The following MAGI2 variants were observed in gnomAD, a reference collection of about 807,000 sequenced individuals.
MAGI2 encodes membrane associated guanylate kinase, WW and PDZ domain containing 2.
Under a neutral mutation model 133.3 loss-of-function variants are expected in MAGI2, and 35 were observed. The observed-to-expected ratio is 0.26, with a 90% CI of 0.20 to 0.35. The LOEUF is 0.35. Ranked by LOEUF, MAGI2 falls within the 10% of genes least tolerant of loss-of-function variation. The probability of loss-of-function intolerance (pLI) is 1.00; values close to 1 mark genes in which losing one functional copy is unlikely to be tolerated. For synonymous variants in MAGI2, 729 were observed against 710.6 expected (o/e 1.03, Z -0.41); for missense variants, 1,636 against 1,863.4 (o/e 0.88, Z 2.25).
At chr7:78,878,849 A>G (rs1262227104) in intron 2 of MAGI2, among the ~76,000 whole-genome samples, 1 of 152,134 alleles carries the variant, frequency 6.6e-6, no homozygotes, top group Non-Finnish European at 1.5e-5. Context: ...GGAATCACCT[A>G]TAGTTCCTTT....
chr7:78,090,717 A>G (rs1817110251), intron 20 of MAGI2, among the ~76,000 whole-genome samples: 1 of 152,240 alleles, frequency 6.6e-6, no homozygotes, highest in South Asian at 2.1e-4. Flanking sequence ...TATTGAGGTA[A>G]AAACAACACA....
At chr7:78,922,441 T>C (rs1382090979) in intron 2 of MAGI2, among the ~76,000 whole-genome samples, 3 of 146,440 alleles carry the variant, frequency 2.0e-5, no homozygotes, top group African/African-American at 7.5e-5. Context: ...GAACATGCGG[T>C]GTTTGGTTTT....
chr7:79,437,794 G>T (rs527836522), intron 1 of MAGI2, among the ~76,000 whole-genome samples: 28 of 152,116 alleles, frequency 1.8e-4, no homozygotes, highest in South Asian at 1.5e-3. Flanking sequence ...TACTATTATT[G>T]TTTGTATCTG....
intron 1 of MAGI2, among the ~76,000 whole-genome samples, chr7:79,376,039 T>G (rs1843356360): frequency 6.6e-6 from 1 of 151,860 alleles, no homozygotes; most frequent in African/African-American, 2.4e-5. Flanking sequence ...CCTTTTTTCA[T>G]TTTTGGTCCA....
chr7:78,899,947 G>T (rs1048750264), intron 2 of MAGI2, among the ~76,000 whole-genome samples: 2 of 152,084 alleles, frequency 1.3e-5, no homozygotes, highest in African/African-American at 4.8e-5. Flanking sequence ...CTTCAATGAG[G>T]GTGGAGCCAC....
intron 20 of MAGI2, among the ~76,000 whole-genome samples, chr7:78,083,040 T>C (rs1442610450): frequency 1.3e-5 from 2 of 152,050 alleles, no homozygotes; most frequent in Non-Finnish European, 2.9e-5. Context: ...GGGGTTCTCT[T>C]GTTACTTTCC....
chr7:79,339,161 CTATT>C (rs918166361), intron 1 of MAGI2, among the ~76,000 whole-genome samples: 51 of 152,042 alleles, frequency 3.4e-4, no homozygotes, highest in Non-Finnish European at 3.5e-4. Context: ...CCTCATTACT[CTATT>C]TAAAGGGCTA....
chr7:78,670,558 T>C (rs1185721324), intron 2 of MAGI2, among the ~76,000 whole-genome samples: 1 of 152,132 alleles, frequency 6.6e-6, no homozygotes, highest in African/African-American at 2.4e-5. Context: ...CTTCACAGAA[T>C]TGGAAAACAT....
chr7:78,681,206 CCT>C (rs373252309), intron 2 of MAGI2, among the ~76,000 whole-genome samples: 36 of 152,090 alleles, frequency 2.4e-4, no homozygotes, highest in African/African-American at 8.0e-4. Context: ...TGAAACTGCC[CCT>C]GTTTGAGACC....
chr7:79,345,136 T>G (rs1841214017), intron 1 of MAGI2, among the ~76,000 whole-genome samples: 2 of 151,836 alleles, frequency 1.3e-5, no homozygotes, highest in Non-Finnish European at 2.9e-5. Context: ...GGAAACAGGA[T>G]CACTGCAGAT....
chr7:78,115,648 T>C (rs1819794397), intron 20 of MAGI2, among the ~76,000 whole-genome samples: 1 of 152,006 alleles, frequency 6.6e-6, no homozygotes, highest in Admixed American at 6.6e-5. Context: ...AGAAATAACC[T>C]GAGTACCAAA....
chr7:79,299,132 T>C (rs1043929078), intron 1 of MAGI2, among the ~76,000 whole-genome samples: 17 of 152,112 alleles, frequency 1.1e-4, no homozygotes, highest in Admixed American at 4.6e-4. Context: ...GGTTTTATAA[T>C]AGATGCATGC....
At chr7:79,422,505 T>C (rs376564753) in intron 1 of MAGI2, among the ~76,000 whole-genome samples, 2 of 152,144 alleles carry the variant, frequency 1.3e-5, no homozygotes, top group African/African-American at 2.4e-5. Context: ...GTCAGAAATA[T>C]ACATTTTCCC....
intron 1 of MAGI2, chr7:79,413,947 G>A (rs1846316822): frequency 6.6e-6 from 1 of 152,038 alleles, no homozygotes; most frequent in Non-Finnish European, 1.5e-5. Context: ...GTGATACAAA[G>A]GCTATAAAAT....
intron 2 of MAGI2, among the ~76,000 whole-genome samples, chr7:78,889,078 G>A (rs1037860358): frequency 2.6e-5 from 4 of 152,294 alleles, no homozygotes; most frequent in Non-Finnish European, 4.4e-5. Flanking sequence ...ACTACATGAC[G>A]AATGCACTAG....
At chr7:78,223,126 T>C (rs1287667510) in intron 10 of MAGI2, among the ~76,000 whole-genome samples, 1 of 152,190 alleles carries the variant, frequency 6.6e-6, no homozygotes, top group African/African-American at 2.4e-5. Flanking sequence ...CATACCACAG[T>C]TTCTAGGTGT....
intron 2 of MAGI2, among the ~76,000 whole-genome samples, chr7:78,655,912 C>T (rs1303736507): frequency 5.2e-5 from 7 of 135,784 alleles, no homozygotes; most frequent in East Asian, 4.9e-4. Flanking sequence ...ACCCGGGAGG[C>T]GGAGCTTGCA....
At position 79,345,697 on chromosome 7, in the gene MAGI2, TAAAATAAACTTTGTTA is replaced by T. The variant is rs199521148; in HGVS notation, c.301+107307_301+107322del. Among the ~76,000 whole-genome samples, 468 of 152,264 alleles carry T rather than the reference TAAAATAAACTTTGTTA, an allele frequency of 3.1e-3. 7 individuals carry two copies. Among genetic ancestry groups the T allele is most frequent in the East Asian group, 0.017 (87 of 5,182 alleles). On this transcript the variant is annotated intron_variant, in intron 1 of 21. Transcript: ENST00000354212. Reference sequence around the variant, plus strand: ...TTATGAAGAAGAAAAATTGGCAATTTAAAATAAACTTTGTTAAAAATAAACTTTGAGGCTAAATCAC... The same window carrying T: ...TTATGAAGAAGAAAAATTGGCAATTTAAAATAAACTTTGAGGCTAAATCAC...
chr7:78,394,835 G>C (rs1208825662), intron 6 of MAGI2, among the ~76,000 whole-genome samples: 1 of 152,108 alleles, frequency 6.6e-6, no homozygotes, highest in Middle Eastern at 3.2e-3. Context: ...TCCTCGATAT[G>C]TACAGTTGCA....
Sources: allele counts gnomAD v4.1 joint callset (sites outside exome capture counted in the v4.1 genomes callset), GRCh38; gene constraint gnomAD v4.1.1; transcripts MANE v1.5; gene names NCBI Gene and HGNC (gene_info 2026-07-23, HGNC 2026-07-21).